CPQ: variants seen among roughly 807,000 people sequenced by gnomAD.
The protein encoded by CPQ is carboxypeptidase Q, also known as Ser-Met dipeptidase.
Under a neutral mutation model 45.7 loss-of-function variants are expected in CPQ, and 37 were observed. The ratio of observed to expected loss-of-function variants is 0.81; its 90% CI spans 0.62 to 1.07. CPQ has a LOEUF of 1.07. Ranked by LOEUF, CPQ falls within the 50% of genes least tolerant of loss-of-function variation. The pLI is 0.00. For synonymous variants in CPQ, 186 were observed against 205.8 expected, an observed-to-expected ratio of 0.90 and a Z score of 0.82; for missense variants, 537 against 572.9, an observed-to-expected ratio of 0.94 and a Z score of 0.64.
intron 3 of CPQ, among the ~76,000 whole-genome samples, chr8:96,866,762 C>G (rs565716696): frequency 1.1e-4 from 16 of 152,168 alleles, no homozygotes; most frequent in African/African-American, 2.9e-4. Flanking sequence ...TGTTCCAGTG[C>G]AATCTGAAAC....
intron 4 of CPQ, among the ~76,000 whole-genome samples, chr8:96,884,426 T>A (rs1812272812): frequency 6.6e-6 from 1 of 152,178 alleles, no homozygotes; most frequent in African/African-American, 2.4e-5. Flanking sequence ...ACATGGTGAT[T>A]CCCTGCTTTC....
At chr8:96,782,476 C>T (rs932777990) in intron 1 of CPQ, among the ~76,000 whole-genome samples, 4 of 152,128 alleles carry the variant, frequency 2.6e-5, no homozygotes, top group Admixed American at 6.6e-5. Flanking sequence ...TCTTTGGAAA[C>T]TTTGCCCTCA....
At chr8:96,923,493 A>G (rs1812835373) in intron 4 of CPQ, among the ~76,000 whole-genome samples, 1 of 151,916 alleles carries the variant, frequency 6.6e-6, no homozygotes, top group South Asian at 2.1e-4. Context: ...TTTTTTTCAC[A>G]TGGCTCCAGT....
intron 1 of CPQ, among the ~76,000 whole-genome samples, chr8:96,723,568 A>G (rs1319235257): frequency 6.6e-6 from 1 of 152,114 alleles, no homozygotes; most frequent in Non-Finnish European, 1.5e-5. Flanking sequence ...TCTCTCTTTT[A>G]TTACCCCCAT....
At chr8:97,099,416 C>T (rs146992664) in intron 7 of CPQ, among the ~76,000 whole-genome samples, 1 of 151,808 alleles carries the variant, frequency 6.6e-6, no homozygotes. Flanking sequence ...CAGGCGTGAG[C>T]CACCATGCCT....
intron 1 of CPQ, among the ~76,000 whole-genome samples, chr8:96,682,351 A>T (rs1418194414): frequency 6.6e-6 from 1 of 152,208 alleles, no homozygotes; most frequent in African/African-American, 2.4e-5. Context: ...TGGTTTTAAA[A>T]AGAGAAGTTT....
intron 3 of CPQ, among the ~76,000 whole-genome samples, chr8:96,858,582 C>T (rs1225100956): frequency 6.6e-6 from 1 of 152,170 alleles, no homozygotes; most frequent in African/African-American, 2.4e-5. Flanking sequence ...CATTTGCTTC[C>T]TGCCCACCAG....
intron 6 of CPQ, among the ~76,000 whole-genome samples, chr8:97,052,562 A>AGTTACT (rs1810380853): frequency 6.6e-6 from 1 of 152,138 alleles, no homozygotes; most frequent in Admixed American, 6.6e-5. Context: ...CTATGTTGTC[A>AGTTACT]GTTCAGTTAC....
At chr8:96,680,789 A>T (rs1586356303) in intron 1 of CPQ, among the ~76,000 whole-genome samples, 1 of 152,286 alleles carries the variant, frequency 6.6e-6, no homozygotes, top group East Asian at 1.9e-4. Flanking sequence ...AGACTTGTTG[A>T]ATAGCCTTGA....
At chr8:97,005,505 T>C (rs549395921) in intron 5 of CPQ, among the ~76,000 whole-genome samples, 3 of 152,028 alleles carry the variant, frequency 2.0e-5, no homozygotes, top group African/African-American at 7.2e-5. Context: ...AGTTCGAGAC[T>C]ACCCAGGACA....
At chr8:96,886,958 C>A (rs147299819) in intron 4 of CPQ, among the ~76,000 whole-genome samples, 167 of 152,270 alleles carry the variant, frequency 1.1e-3, no homozygotes, top group Middle Eastern at 6.8e-3. Context: ...CTGGGAAAGT[C>A]GCCTGTGCTT....
intron 5 of CPQ, among the ~76,000 whole-genome samples, chr8:96,995,927 G>C (rs1437165872): frequency 7.2e-5 from 11 of 151,972 alleles, no homozygotes; most frequent in African/African-American, 2.4e-4. Flanking sequence ...AGATGAATTA[G>C]AGAAGGTATT....
At chr8:96,773,242 AT>A (rs1396447973) in intron 1 of CPQ, among the ~76,000 whole-genome samples, 1 of 152,220 alleles carries the variant, frequency 6.6e-6, no homozygotes, top group African/African-American at 2.4e-5. Context: ...ATATTGTGCT[AT>A]TTGTTTAATA....
intron 4 of CPQ, among the ~76,000 whole-genome samples, chr8:96,957,471 T>C (rs1461294413): frequency 1.3e-5 from 2 of 152,134 alleles, no homozygotes; most frequent in African/African-American, 4.8e-5. Context: ...GAAAGATTGA[T>C]GATATCTCTA....
intron 1 of CPQ, among the ~76,000 whole-genome samples, chr8:96,680,093 G>C (rs116174266): frequency 0.024 from 3,681 of 152,092 alleles, 163 homozygotes; most frequent in African/African-American, 0.084. Flanking sequence ...TTGCTGTATC[G>C]AATAGGTTCT....
At chr8:96,656,363 T>G (rs903471536) in intron 1 of CPQ, among the ~76,000 whole-genome samples, 6 of 152,158 alleles carry the variant, frequency 3.9e-5, no homozygotes, top group African/African-American at 1.4e-4. Context: ...CTGGCTGAGC[T>G]CTGCTATAAT....
intron 3 of CPQ, among the ~76,000 whole-genome samples, chr8:96,876,197 A>G (rs1392344082): frequency 6.6e-6 from 1 of 151,948 alleles, no homozygotes; most frequent in African/African-American, 2.4e-5. Flanking sequence ...AATTAGTTCT[A>G]ATCGTTTTGT....
chr8:96,815,123 C>G (rs1311605159), intron 2 of CPQ, among the ~76,000 whole-genome samples: 1 of 151,926 alleles, frequency 6.6e-6, no homozygotes, highest in Non-Finnish European at 1.5e-5. Context: ...CTGTGAAATA[C>G]TAAGAACCTT....
intron 4 of CPQ, among the ~76,000 whole-genome samples, chr8:96,926,648 TC>T (rs1812894368): frequency 6.6e-6 from 1 of 151,070 alleles, no homozygotes. Flanking sequence ...CTTCTTCTTC[TC>T]CTTCTCCTTC....
Sources: gnomAD v4.1 joint callset for allele counts (sites outside exome capture counted in the v4.1 genomes callset) on GRCh38, gnomAD v4.1.1 for gene constraint, MANE v1.5 for transcripts, NCBI Gene and HGNC (gene_info 2026-07-23, HGNC 2026-07-21) for gene names.